The following LRBA variants were observed in gnomAD, a reference collection of about 807,000 sequenced individuals.
The protein encoded by LRBA is lipopolysaccharide-responsive and beige-like anchor protein.
In LRBA, 176 loss-of-function variants were observed where a neutral mutation model predicts 330.0. The observed-to-expected ratio is 0.53, with a 90% CI of 0.47 to 0.60. LRBA has a LOEUF of 0.60. Among genes scored for constraint, LRBA ranks in the 20% least tolerant of loss-of-function variants. The probability of loss-of-function intolerance (pLI) is 0.00; values close to 1 mark genes in which losing one functional copy is unlikely to be tolerated. For synonymous variants in LRBA, 1,230 were observed against 1,193.0 expected (o/e 1.03, Z -0.64); for missense variants, 3,259 against 3,444.8 (o/e 0.95, Z 1.35).
intron 31 of LRBA, among the ~76,000 whole-genome samples, chr4:150,810,944 C>T (rs757194979): frequency 6.6e-5 from 10 of 152,288 alleles, no homozygotes; most frequent in Non-Finnish European, 1.0e-4. Flanking sequence ...ATTCACATTT[C>T]ATCATAAAAA....
At chr4:150,481,120 C>A (rs1757248980) in intron 42 of LRBA, among the ~76,000 whole-genome samples, 1 of 152,170 alleles carries the variant, frequency 6.6e-6, no homozygotes, top group Admixed American at 6.6e-5. Context: ...GCTTATTTCA[C>A]TTAATATAAT....
Position 150,321,700 on chromosome 4 carries a change from C to A in LRBA, c.7453-332G>T, listed in dbSNP as rs951869111. Among the ~76,000 whole-genome samples the A allele has an allele frequency of 8.5e-5, 13 of 152,064 alleles. No homozygotes were observed. Among genetic ancestry groups the A allele is most frequent in the African/African-American group, 3.1e-4 (13 of 41,402 alleles). On this transcript the variant is annotated intron_variant, in intron 49 of 56. Transcript: ENST00000651943. This position sits in a 1 kb window ranked among gnomAD's most constrained non-coding sequence, Gnocchi z 4.5. ...TGATTTGATTTAGATTCTACACAGGCAAAGTGCTGGGGATTGCATTAAACC... is the reference window on the plus strand; with the variant it reads ...TGATTTGATTTAGATTCTACACAGGAAAAGTGCTGGGGATTGCATTAAACC...
At position 150,906,123 on chromosome 4, in the gene LRBA, C is replaced by T. The variant is rs1461261241; in HGVS notation, c.1603-133G>A. ...AAAGATGCCATGAAGCTCACTATCACATTTGTTTGATAGAGGAATGGAGGC... is the reference window on the plus strand; with the variant it reads ...AAAGATGCCATGAAGCTCACTATCATATTTGTTTGATAGAGGAATGGAGGC... On this transcript the variant is annotated intron_variant, in intron 12 of 56. Coordinates refer to ENST00000651943, the MANE Select transcript of LRBA (RefSeq NM_001364905.1). 3.5e-6 allele frequency: 3 copies of T among 846,126 alleles called. No homozygotes were observed. The East Asian group carries it at 7.5e-5, about 21-fold the overall frequency. 52.4% of individuals were successfully genotyped at this position (846,126 alleles called of 1,614,324 possible). A position where few individuals can be genotyped will look rare whatever the true frequency, so the allele number is the denominator to read the frequency against.
At chr4:150,483,584 T>G (rs976213078) in intron 42 of LRBA, among the ~76,000 whole-genome samples, 3 of 151,944 alleles carry the variant, frequency 2.0e-5, no homozygotes, top group African/African-American at 4.8e-5. Flanking sequence ...TTCTCCCACA[T>G]GGACTTTCCA....
rs372058425 is a variant in LRBA, at chr4:150,650,643, TC to T, written c.5921+32907del. Among the ~76,000 whole-genome samples, 64 of 152,294 alleles carry T rather than the reference TC, an allele frequency of 4.2e-4. 1 individual carries two copies. In the East Asian group the frequency reaches 0.012, roughly 28 times the overall value. ...ATGCTAGGACTTTCCTATAAAAGTT[TC>T]TGGTCAGATAGTAAACTGTTAATAT... On this transcript the variant is annotated intron_variant, in intron 37 of 56. Coordinates refer to ENST00000651943, the MANE Select transcript of LRBA (RefSeq NM_001364905.1).
chr4:150,285,567 C>A (rs142887025), intron 54 of LRBA, among the ~76,000 whole-genome samples: 32 of 152,300 alleles, frequency 2.1e-4, no homozygotes, highest in Non-Finnish European at 3.8e-4. Context: ...CAAAGACGTT[C>A]CTTGTTCCTG....
chr4:150,587,243 C>CA (rs1414035662), intron 40 of LRBA, among the ~76,000 whole-genome samples: 3 of 152,016 alleles, frequency 2.0e-5, no homozygotes, highest in Non-Finnish European at 4.4e-5. Flanking sequence ...AAGAACCTAC[C>CA]AAAAAACTCA....
chr4:150,691,593 T>G (rs572536811), intron 36 of LRBA, among the ~76,000 whole-genome samples: 159 of 152,320 alleles, frequency 1.0e-3, no homozygotes, highest in Middle Eastern at 3.4e-3. Flanking sequence ...ATACCTACCT[T>G]GGTGGTTGAA....
chr4:150,750,894 A>G (rs1399613945), intron 35 of LRBA, among the ~76,000 whole-genome samples: 1 of 149,278 alleles, frequency 6.7e-6, no homozygotes, highest in African/African-American at 2.6e-5. Context: ...GAAGCAGGGA[A>G]GGAAAAAGGA....
chr4:150,628,789 T>C lies in LRBA; in HGVS notation c.5922-29658A>G, dbSNP rs191503015. Among the ~76,000 whole-genome samples, 69 of 152,342 alleles carry C rather than the reference T, an allele frequency of 4.5e-4. No individual in the cohort carries two copies. In the East Asian group the frequency reaches 0.013, roughly 28 times the overall value. ...GATGTACTTGATTTCTGTATTTCTT[T>C]GTTGAGCTACTGTTAATGTCATTTC... On this transcript the variant is annotated intron_variant, in intron 37 of 56. Coordinates refer to ENST00000651943, the MANE Select transcript of LRBA (RefSeq NM_001364905.1).
chr4:150,838,990 C>A (rs531764954), intron 28 of LRBA, among the ~76,000 whole-genome samples: 10 of 152,138 alleles, frequency 6.6e-5, no homozygotes, highest in Non-Finnish European at 1.3e-4. Flanking sequence ...GCTATCTACT[C>A]ATCTGACAAA....
At chr4:150,995,117 G>C (rs140511899) in intron 2 of LRBA, among the ~76,000 whole-genome samples, 1 of 150,400 alleles carries the variant, frequency 6.6e-6, no homozygotes, top group Non-Finnish European at 1.5e-5. Context: ...GAGAAAAAAC[G>C]AAGTCACCCT....
chr4:150,750,416 C>T (rs1445383747), intron 35 of LRBA, among the ~76,000 whole-genome samples: 3 of 152,056 alleles, frequency 2.0e-5, no homozygotes, highest in African/African-American at 7.2e-5. Context: ...TCCTTATATC[C>T]GTTTCAATCC....
chr4:150,892,574 T>A (rs571637145), intron 17 of LRBA, among the ~76,000 whole-genome samples: 1 of 152,190 alleles, frequency 6.6e-6, no homozygotes, highest in Non-Finnish European at 1.5e-5. Flanking sequence ...TCCAGAACTG[T>A]GAGAAACCAA....
At chr4:150,444,647 G>A (rs1752352880) in intron 44 of LRBA, among the ~76,000 whole-genome samples, 3 of 152,138 alleles carry the variant, frequency 2.0e-5, no homozygotes, top group African/African-American at 7.2e-5. Flanking sequence ...GGCTTTTAGA[G>A]TTAACAAATA....
At chr4:150,806,829 C>G (rs1055793399) in intron 32 of LRBA, among the ~76,000 whole-genome samples, 1 of 152,006 alleles carries the variant, frequency 6.6e-6, no homozygotes, top group Non-Finnish European at 1.5e-5. Context: ...AGTATAGACT[C>G]AACAGACGTT....
At chr4:150,792,268 C>T (rs566383723) in intron 34 of LRBA, among the ~76,000 whole-genome samples, 1 of 150,224 alleles carries the variant, frequency 6.7e-6, no homozygotes, top group South Asian at 2.1e-4. Flanking sequence ...AACCACTCCA[C>T]TTAAAAGAAA....
At chr4:150,281,030 T>C (rs1010401737) in intron 55 of LRBA, among the ~76,000 whole-genome samples, 7 of 152,174 alleles carry the variant, frequency 4.6e-5, no homozygotes, top group Non-Finnish European at 1.0e-4. Flanking sequence ...CATGTGTGTA[T>C]GAATGGTCTG....
At chr4:150,696,844 CAAA>C (rs35188689) in intron 36 of LRBA, among the ~76,000 whole-genome samples, 1 of 137,874 alleles carries the variant, frequency 7.3e-6, no homozygotes, top group African/African-American at 2.8e-5. Context: ...CCCATCTCCA[CAAA>C]AAAAAAAAAT....
Sources: allele counts gnomAD v4.1 joint callset (sites outside exome capture counted in the v4.1 genomes callset), GRCh38; gene constraint gnomAD v4.1.1; non-coding constraint Gnocchi (gnomAD v3.1); transcripts MANE v1.5; gene names NCBI Gene and HGNC (gene_info 2026-07-23, HGNC 2026-07-21).